TNR: variants seen among roughly 807,000 people sequenced by gnomAD.
TNR encodes tenascin-R.
TNR carries 45 observed loss-of-function variants against 150.4 expected under a neutral mutation model. The ratio of observed to expected loss-of-function variants is 0.30; its 90% confidence interval spans 0.24 to 0.38. The LOEUF is 0.38. Ranked by LOEUF, TNR falls within the 10% of genes least tolerant of loss-of-function variation. The pLI, the probability that TNR is intolerant of heterozygous loss-of-function variation, is 1.00. For synonymous variants in TNR, 687 were observed against 678.4 expected, an observed-to-expected ratio of 1.01 and a Z score of -0.20; for missense variants, 1,544 against 1,759.1, an observed-to-expected ratio of 0.88 and a Z score of 2.19.
intron 1 of TNR, among the ~76,000 whole-genome samples, chr1:175,547,680 GAGAA>G (rs6143492): frequency 2.0e-5 from 3 of 151,494 alleles, no homozygotes; most frequent in East Asian, 3.9e-4. Context: ...GAAAGAGAGA[GAGAA>G]AGAAAGAAAA....
At chr1:175,691,193 T>G (rs12404251) in intron 1 of TNR, among the ~76,000 whole-genome samples, 22,582 of 152,092 alleles carry the variant, frequency 0.15, 2,004 homozygotes, top group East Asian at 0.26. Flanking sequence ...CAGAACAAGG[T>G]GGCTCTGCAG....
intron 15 of TNR, 112 bp from the exon 16 acceptor site, chr1:175,356,574 A>C (rs890813352): frequency 4.6e-6 from 6 of 1,316,714 alleles, no homozygotes; most frequent in African/African-American, 4.4e-5. Context: ...TTTTGGAAAA[A>C]AATCTTTCAT....
rs536503878 is a variant in TNR at position 175,406,351 on chromosome 1, T to C, written c.364A>G (p.Lys122Glu). The change falls in exon 3 of 23, where the codon AAA becomes GAA. Residue 122 changes from lysine (K) to glutamate (E), a missense_variant. Around this residue, in one of 2 missense-constraint regions of TNR, gnomAD observed 1,254 missense variants for 1,329.4 expected, o/e 0.94. Coordinates refer to ENST00000367674, the MANE Select transcript of TNR (RefSeq NM_003285.3). ...GAACTGGCACATGGACAGGCCTTTTTGGGGAAGTTGATCCTGTGTGTAAAG... is the reference window on the plus strand; with the variant it reads ...GAACTGGCACATGGACAGGCCTTTTCGGGGAAGTTGATCCTGTGTGTAAAG... ...VTFTHRINFP[K>E]KACPCASSAQ... 1.9e-6 allele frequency: 3 copies of C among 1,614,122 alleles called. No individual in the cohort carries two copies. The highest frequency in any genetic ancestry group is 2.7e-5 in the African/African-American group (2 of 75,022).
chr1:175,711,871 G>T (rs1667027997), intron 1 of TNR, among the ~76,000 whole-genome samples: 1 of 152,094 alleles, frequency 6.6e-6, no homozygotes, highest in South Asian at 2.1e-4. Flanking sequence ...CATGTTTGGG[G>T]GATAGAATAT....
rs1257559539 is a variant in TNR, at chr1:175,329,631, G to T, written c.3793+443C>A. Among the ~76,000 whole-genome samples, 5 of 152,322 alleles carry T rather than the reference G, an allele frequency of 3.3e-5. No homozygotes were observed. The East Asian group carries it at 9.6e-4, about 29-fold the overall frequency. The stretch of plus-strand genomic sequence containing the variant: ...TATGATTTGCACTAATTCAAAGATG[G>T]TTTTCCTGGATGTCATTGCATGGGA... On this transcript the variant is annotated intron_variant, in intron 21 of 22. Transcript: ENST00000367674.
At chr1:175,711,930 G>T (rs1338946280) in intron 1 of TNR, among the ~76,000 whole-genome samples, 1 of 152,202 alleles carries the variant, frequency 6.6e-6, no homozygotes, top group Non-Finnish European at 1.5e-5. Context: ...TAGACATTCA[G>T]GTGAAAATGC....
chr1:175,408,310 C>T (rs1279459454), intron 2 of TNR, among the ~76,000 whole-genome samples: 1 of 152,204 alleles, frequency 6.6e-6, no homozygotes, highest in African/African-American at 2.4e-5. Context: ...TGAGAAAATG[C>T]TCAGTGAGCA....
chr1:175,395,703 G>C (rs1571381686), intron 5 of TNR, among the ~76,000 whole-genome samples: 1 of 152,184 alleles, frequency 6.6e-6, no homozygotes, highest in East Asian at 1.9e-4. Context: ...ACTAAAACAG[G>C]CTTATTGTAT....
intron 2 of TNR, among the ~76,000 whole-genome samples, chr1:175,485,640 T>C (rs78044731): frequency 0.013 from 2,027 of 152,288 alleles, 45 homozygotes; most frequent in African/African-American, 0.047. Flanking sequence ...GGATCCTTTA[T>C]CATCCTAGAA....
chr1:175,430,874 T>C (rs1655232799), intron 2 of TNR, among the ~76,000 whole-genome samples: 2 of 152,202 alleles, frequency 1.3e-5, no homozygotes, highest in African/African-American at 4.8e-5. Flanking sequence ...AATAATGGGT[T>C]GTTTTATATT....
chr1:175,725,075 G>A (rs1027950099), intron 1 of TNR, among the ~76,000 whole-genome samples: 8 of 152,190 alleles, frequency 5.3e-5, no homozygotes, highest in African/African-American at 1.7e-4. Context: ...AGTGCTTGAA[G>A]GTTTTAAGCA....
chr1:175,549,656 G>A (rs1660857570), intron 1 of TNR, among the ~76,000 whole-genome samples: 1 of 152,168 alleles, frequency 6.6e-6, no homozygotes, highest in Non-Finnish European at 1.5e-5. Context: ...TTGCAGAGAG[G>A]GAAGCATGAA....
rs534528039 is a variant in TNR at position 175,357,289 on chromosome 1, C to T, written c.2975-827G>A. Among the ~76,000 whole-genome samples, 8 of 152,310 alleles carry T rather than the reference C, an allele frequency of 5.3e-5. No individual in the cohort carries two copies. The East Asian group carries it at 1.5e-3, about 29-fold the overall frequency. On this transcript the variant is annotated intron_variant, in intron 15 of 22. Transcript: ENST00000367674. ...CATGTCTTCTCTGAATTCATTCAAG[C>T]TGTTGATAAAACTGTTCATTAGTTC... is the stretch of plus-strand genomic sequence containing the variant.
intron 2 of TNR, among the ~76,000 whole-genome samples, chr1:175,518,671 A>G (rs564988046): frequency 6.6e-6 from 1 of 152,144 alleles, no homozygotes; most frequent in East Asian, 1.9e-4. Flanking sequence ...TTTTCCCCCC[A>G]TTCTGTAGTC....
chr1:175,354,527 TATAATG>T lies in TNR; in HGVS notation c.3250-10_3250-5del. 1 of 1,613,892 alleles carries T rather than the reference TATAATG, an allele frequency of 6.2e-7. No homozygotes were observed. On this transcript the variant is annotated splice_region_variant and splice_polypyrimidine_tract_variant and intron_variant, in intron 17 of 22. Transcript: ENST00000367674. ...CTTCTGCATCCACAATCAGCTCCTG[TATAATG>T]AGCCAAAGGAAGGGTGGTGGAAGGG... is the stretch of plus-strand genomic sequence containing the variant.
At chr1:175,555,394 G>C (rs1332163525) in intron 1 of TNR, among the ~76,000 whole-genome samples, 8 of 151,896 alleles carry the variant, frequency 5.3e-5, no homozygotes, top group Non-Finnish European at 1.5e-5. Context: ...AACTCCCCTG[G>C]TATTCTATAA....
intron 7 of TNR, among the ~76,000 whole-genome samples, chr1:175,388,572 C>A (rs541328992): frequency 1.1e-4 from 16 of 152,208 alleles, no homozygotes; most frequent in African/African-American, 2.4e-4. Context: ...TGGGAGCCAA[C>A]CGTCTATTTT....
At chr1:175,733,433 G>T (rs1241237840) in intron 1 of TNR, among the ~76,000 whole-genome samples, 1 of 152,182 alleles carries the variant, frequency 6.6e-6, no homozygotes, top group Non-Finnish European at 1.5e-5. Flanking sequence ...TTGGGTCAGA[G>T]TGAAGACACG....
At chr1:175,521,160 G>A (rs961014557) in intron 2 of TNR, among the ~76,000 whole-genome samples, 1 of 152,180 alleles carries the variant, frequency 6.6e-6, no homozygotes, top group African/African-American at 2.4e-5. Context: ...AACACATTTT[G>A]TTGGCGATAT....
Sources: gnomAD v4.1 joint callset for allele counts (sites outside exome capture counted in the v4.1 genomes callset) on GRCh38, gnomAD v4.1.1 for gene constraint, gnomAD v4.1.1 regional missense constraint, MANE v1.5 for transcripts, NCBI Gene and HGNC (gene_info 2026-07-23, HGNC 2026-07-21) for gene names.